Variants in CSMD3 observed in about 807,000 individuals in gnomAD.
The protein encoded by CSMD3 is CUB and Sushi multiple domains 3.
Under a neutral mutation model 435.2 loss-of-function variants are expected in CSMD3, and 177 were observed. The ratio of observed to expected loss-of-function variants is 0.41; its 90% CI spans 0.36 to 0.46. The LOEUF (loss-of-function observed/expected upper bound fraction) is 0.46, where lower values mean the gene tolerates loss of function less well. Ranked by LOEUF, CSMD3 falls within the 20% of genes least tolerant of loss-of-function variation. CSMD3 has a pLI of 0.34. For synonymous variants in CSMD3, 1,656 were observed against 1,520.5 expected (o/e 1.09, Z -2.07); for missense variants, 4,265 against 4,504.6 (o/e 0.95, Z 1.52).
intron 4 of CSMD3, among the ~76,000 whole-genome samples, chr8:113,140,524 C>T (rs1368261586): frequency 6.6e-6 from 1 of 150,834 alleles, no homozygotes; most frequent in Non-Finnish European, 1.5e-5. Context: ...CAACAAAACA[C>T]AACTAACTTA....
At chr8:112,806,341 GA>G (rs2079084868) in intron 12 of CSMD3, among the ~76,000 whole-genome samples, 1 of 152,180 alleles carries the variant, frequency 6.6e-6, no homozygotes, top group Non-Finnish European at 1.5e-5. Flanking sequence ...GGGAATAGAT[GA>G]CACATTAATA....
intron 3 of CSMD3, among the ~76,000 whole-genome samples, chr8:113,218,147 A>T (rs1334280570): frequency 6.7e-6 from 1 of 150,118 alleles, no homozygotes; most frequent in Non-Finnish European, 1.5e-5. Context: ...TATAAAGCAT[A>T]TTCAAGTAAG....
intron 31 of CSMD3, among the ~76,000 whole-genome samples, chr8:112,475,589 A>G (rs190673398): frequency 2.0e-5 from 3 of 151,072 alleles, no homozygotes; most frequent in Non-Finnish European, 2.9e-5. Context: ...ATCTATTGTA[A>G]TTTGTTTTAC....
rs529286046 is a variant in CSMD3, at chr8:113,291,797, T to C, written c.402-13093A>G. ...ATAAATTTTGTTTGAACTAGGTGTG[T>C]ATTCTACACAAAAAAACTAAAGGAA... On this transcript the variant is annotated intron_variant, in intron 2 of 70. Transcript: ENST00000297405. 2.0e-5 allele frequency among the ~76,000 whole-genome samples: 3 copies of C among 152,024 alleles called. No homozygotes were observed. The South Asian group carries it at 6.2e-4, about 31-fold the overall frequency.
chr8:113,080,514 T>C lies in CSMD3; in HGVS notation c.917+18242A>G, dbSNP rs192569032. Among the ~76,000 whole-genome samples, 9 of 152,260 alleles carry C rather than the reference T, an allele frequency of 5.9e-5. No individual in the cohort carries two copies. The South Asian group carries it at 6.2e-4, about 11-fold the overall frequency. ...GGAGTTATCTATCTAACAGAGGAGATAGACAAAAATATCTCCCTAATGCAA... is the reference window on the plus strand; with the variant it reads ...GGAGTTATCTATCTAACAGAGGAGACAGACAAAAATATCTCCCTAATGCAA... On this transcript the variant is annotated intron_variant, in intron 5 of 70. Coordinates refer to ENST00000297405, the MANE Select transcript of CSMD3 (RefSeq NM_198123.2).
At chr8:112,639,279 C>T (rs2074750192) in intron 20 of CSMD3, among the ~76,000 whole-genome samples, 1 of 152,050 alleles carries the variant, frequency 6.6e-6, no homozygotes. Flanking sequence ...CTTCTCCAAT[C>T]CCTTCGACCA....
intron 31 of CSMD3, among the ~76,000 whole-genome samples, chr8:112,485,298 C>T (rs779291868): frequency 6.6e-6 from 1 of 152,032 alleles, no homozygotes; most frequent in Non-Finnish European, 1.5e-5. Context: ...GTATTTTATC[C>T]GTGAACAAAA....
At position 113,217,003 on chromosome 8, in the gene CSMD3, C is replaced by T. The variant is rs558642115; in HGVS notation, c.515-43087G>A. Among the ~76,000 whole-genome samples the T allele has an allele frequency of 2.6e-5, 4 of 151,852 alleles. No individual in the cohort carries two copies. The South Asian group carries it at 8.3e-4, about 31-fold the overall frequency. On this transcript the variant is annotated intron_variant, in intron 3 of 70. Coordinates refer to ENST00000297405, the MANE Select transcript of CSMD3 (RefSeq NM_198123.2). ...AAAAAACAATAAAACTTCCAGAGAC[C>T]ATGCAATTGTTGGAGTTCAAATCCA... is the stretch of plus-strand genomic sequence containing the variant.
intron 3 of CSMD3, among the ~76,000 whole-genome samples, chr8:113,195,064 G>C (rs1239867428): frequency 6.6e-6 from 1 of 151,098 alleles, no homozygotes; most frequent in Non-Finnish European, 1.5e-5. Context: ...CTACTTCACT[G>C]ACATCAAGAG....
At chr8:112,955,511 T>C (rs1234188082) in intron 7 of CSMD3, among the ~76,000 whole-genome samples, 1 of 151,846 alleles carries the variant, frequency 6.6e-6, no homozygotes, top group East Asian at 1.9e-4. Context: ...ATTATGTCTT[T>C]GTGTTGAAAA....
chr8:113,232,021 A>C (rs758861412), intron 3 of CSMD3, among the ~76,000 whole-genome samples: 29 of 151,586 alleles, frequency 1.9e-4, no homozygotes, highest in Admixed American at 3.3e-4. Context: ...ATTATATACA[A>C]TGCAATTTAA....
Position 112,374,358 on chromosome 8 carries a change from A to G in CSMD3, c.6136+5994T>C, listed in dbSNP as rs1828740665. Among the ~76,000 whole-genome samples the G allele has an allele frequency of 2.0e-5, 3 of 151,770 alleles. No individual in the cohort carries two copies. In the South Asian group the frequency reaches 6.2e-4, roughly 31 times the overall value. On this transcript the variant is annotated intron_variant, in intron 38 of 70. Transcript: ENST00000297405. The stretch of plus-strand genomic sequence containing the variant: ...CATATCCTGTAACTCTCTTTTTCAC[A>G]TCTATTTATCTGTATCCTTTCAGTT...
At chr8:113,215,047 G>A (rs538884070) in intron 3 of CSMD3, among the ~76,000 whole-genome samples, 107 of 151,840 alleles carry the variant, frequency 7.0e-4, no homozygotes, top group Admixed American at 1.4e-3. Context: ...ACATGCTATC[G>A]TATACAGAGC....
chr8:113,106,839 C>T (rs560421472), intron 4 of CSMD3, among the ~76,000 whole-genome samples: 8 of 149,480 alleles, frequency 5.4e-5, no homozygotes, highest in Non-Finnish European at 8.8e-5. Context: ...TCTTTATTCT[C>T]TTTCTTTTTT....
intron 24 of CSMD3, among the ~76,000 whole-genome samples, chr8:112,564,778 C>T (rs1249843501): frequency 1.3e-5 from 2 of 152,080 alleles, no homozygotes; most frequent in Non-Finnish European, 2.9e-5. Context: ...GGTTTCTACA[C>T]TTCAAGGAGT....
chr8:113,384,833 A>T (rs1368898727), intron 1 of CSMD3, among the ~76,000 whole-genome samples: 1 of 152,128 alleles, frequency 6.6e-6, no homozygotes, highest in East Asian at 1.9e-4. Context: ...TGTGGAACCC[A>T]GTGGAAAGTC....
intron 4 of CSMD3, among the ~76,000 whole-genome samples, chr8:113,105,579 CA>C (rs1394100090): frequency 6.6e-6 from 1 of 151,996 alleles, no homozygotes; most frequent in East Asian, 1.9e-4. Flanking sequence ...TGAATGGTTC[CA>C]ACAAAGCACA....
intron 4 of CSMD3, among the ~76,000 whole-genome samples, chr8:113,101,976 TA>T (rs1266946634): frequency 6.6e-6 from 1 of 152,096 alleles, no homozygotes; most frequent in East Asian, 1.9e-4. Flanking sequence ...ACATACTACC[TA>T]AGTCAATTTA....
intron 6 of CSMD3, among the ~76,000 whole-genome samples, chr8:112,979,762 C>G (rs1312352601): frequency 6.6e-6 from 1 of 151,184 alleles, no homozygotes; most frequent in African/African-American, 2.4e-5. Flanking sequence ...CATTTGATAT[C>G]AAATGATATA....
Sources: gnomAD v4.1 joint callset for allele counts (sites outside exome capture counted in the v4.1 genomes callset) on GRCh38, gnomAD v4.1.1 for gene constraint, MANE v1.5 for transcripts, NCBI Gene and HGNC (gene_info 2026-07-23, HGNC 2026-07-21) for gene names.